Variants in MXD4 observed in about 807,000 individuals in gnomAD.
MXD4 encodes Mad4 homolog.
In MXD4, 16 loss-of-function variants were observed where a neutral mutation model predicts 24.5. The observed-to-expected ratio is 0.65, with a 90% CI of 0.44 to 0.99. The LOEUF is 0.99. MXD4 is among the 50% of genes least tolerant of loss of function. MXD4 has a pLI of 0.00. For missense variants in MXD4, 301 were observed against 301.5 expected (o/e 1.00, Z 0.01); for synonymous variants, 164 against 134.2 (o/e 1.22, Z -1.54).
intron 4 of MXD4, 94 bp downstream of exon 4, chr4:2,252,314 G>C: frequency 9.8e-7 from 1 of 1,025,006 alleles, no homozygotes; most frequent in Non-Finnish European, 1.5e-6. Flanking sequence ...TCTGATCCAA[G>C]GGCTGCCCAG....
In MXD4 at chr4:2,249,508, A is replaced by G. The variant is rs576351857; in HGVS notation, c.*1036T>C. On this transcript the variant is annotated 3_prime_UTR_variant, in exon 6 of 6. Transcript: ENST00000337190. ...AGCTGAAGCTGCCGCAGCAGAGCTC[A>G]TGAGAAGCCCTTTCCTAAGGTGGCT... 10 of 151,482 alleles carry G rather than the reference A, an allele frequency of 6.6e-5. No individual in the cohort carries two copies. In the South Asian group the frequency reaches 1.9e-3, roughly 28 times the overall value. The allele number at this position is 151,482 out of a possible 1,614,324, so 9.4% of individuals were successfully genotyped here.
At chr4:2,257,842 G>C in intron 3 of MXD4, 140 bp downstream of exon 3, 1 of 1,135,152 alleles carries the variant, frequency 8.8e-7, no homozygotes, top group Middle Eastern at 2.5e-4. Flanking sequence ...CTCCAAGTCT[G>C]ACCATTCCCA....
intron 2 of MXD4, 32 bp downstream of exon 2, chr4:2,261,693 G>A: frequency 3.9e-6 from 5 of 1,276,226 alleles, no homozygotes; most frequent in Non-Finnish European, 5.0e-6. Context: ...GTTCGGACCG[G>A]GCCGGGCGGG....
intron 3 of MXD4, among the ~76,000 whole-genome samples, chr4:2,256,381 CAG>C (rs1735430681): frequency 6.6e-6 from 1 of 152,204 alleles, no homozygotes. Context: ...GCCCAGTCCC[CAG>C]TAAGGGGACA....
intron 1 of MXD4, 34 bp from the exon 2 acceptor site, chr4:2,261,858 C>A: frequency 7.3e-7 from 1 of 1,369,750 alleles, no homozygotes; most frequent in South Asian, 1.6e-5. Flanking sequence ...CGGCCCCCGC[C>A]CGGCACGGCC....
chr4:2,250,417 A>G lies in MXD4; in HGVS notation c.*127T>C, dbSNP rs2108787759. ...AGCGGGCAGTGCCAGGCAGCCCAGCAGCAGCTGGAGCTTCCAGAATGGCAC... is the reference window on the plus strand; with the variant it reads ...AGCGGGCAGTGCCAGGCAGCCCAGCGGCAGCTGGAGCTTCCAGAATGGCAC... On this transcript the variant is annotated 3_prime_UTR_variant, in exon 6 of 6. Coordinates refer to ENST00000337190, the MANE Select transcript of MXD4 (RefSeq NM_006454.3). 1 of 1,239,106 alleles carries G rather than the reference A, an allele frequency of 8.1e-7. No individual in the cohort carries two copies. The highest frequency in any genetic ancestry group is 1.6e-5 in the South Asian group (1 of 63,576). The allele number at this position is 1,239,106 out of a possible 1,614,324, so 76.8% of individuals were successfully genotyped here.
chr4:2,254,484 C>T (rs1465474636), intron 3 of MXD4: 1 of 152,038 alleles, frequency 6.6e-6, no homozygotes, highest in African/African-American at 2.4e-5. Flanking sequence ...TCCAGGTTTT[C>T]TACGCTTAAA....
Position 2,248,613 on chromosome 4 carries a change from G to A in MXD4, c.*1931C>T, listed in dbSNP as rs1735247032. ...CCCAGTGGGGCCGGAAGGAGATGCA[G>A]ACAGGCCTCCTCACAACCACCCGCA... On this transcript the variant is annotated 3_prime_UTR_variant, in exon 6 of 6. Transcript: ENST00000337190. 6.6e-6 allele frequency: 1 copy of A among 152,380 alleles called. No individual in the cohort carries two copies. Among genetic ancestry groups the A allele is most frequent in the South Asian group, 2.1e-4 (1 of 4,834 alleles). The allele number at this position is 152,380 out of a possible 1,614,324, so 9.4% of individuals were successfully genotyped here.
intron 3 of MXD4, 55 bp from the exon 4 acceptor site, chr4:2,252,577 G>T: frequency 7.7e-7 from 1 of 1,299,616 alleles, no homozygotes. Context: ...GCAGCAGGCA[G>T]TTTCCAGGGC....
chr4:2,251,921 G>T (rs61789368), intron 4 of MXD4, among the ~76,000 whole-genome samples: 6,465 of 152,232 alleles, frequency 0.042, 173 homozygotes, highest in Middle Eastern at 0.058. Context: ...TTTGGGGGGC[G>T]GTCCCAGGGA....
rs556702621 is a variant in MXD4, at chr4:2,252,417, C to T, written c.300G>A (p.Val100=). 1.2e-5 allele frequency: 19 copies of T among 1,612,450 alleles called. No individual in the cohort carries two copies. Among genetic ancestry groups the T allele is most frequent in the Admixed American group, 5.0e-5 (3 of 60,034 alleles). ...TTLSLLKRAK[V]HIKKLEEQDR... ...AGCAAGGCCCACTCACCTTGATGTG[C>T]ACCTTGGCCCGCTTCAGGAGGCTCA... Residue 100 remains valine, a synonymous_variant, in exon 4 of 6, where the codon GTG becomes GTA. Transcript: ENST00000337190.
chr4:2,257,838 G>T (rs1195983967), intron 3 of MXD4, 144 bp downstream of exon 3: 2 of 1,097,452 alleles, frequency 1.8e-6, no homozygotes, highest in Non-Finnish European at 2.7e-6. Context: ...TCTCCTCCAA[G>T]TCTGACCATT....
chr4:2,252,970 G>A (rs1234353545), intron 3 of MXD4: 1 of 164,616 alleles, frequency 6.1e-6, no homozygotes, highest in African/African-American at 2.4e-5. Flanking sequence ...TCACTTTTGT[G>A]ACCATGGAAA....
At position 2,261,741 on chromosome 4, in the gene MXD4, T is replaced by C. The variant is rs1310232880; in HGVS notation, c.148A>G (p.Lys50Glu). 1.4e-6 allele frequency: 2 copies of C among 1,414,426 alleles called. No homozygotes were observed. The highest frequency in any genetic ancestry group is 1.9e-6 in the Non-Finnish European group (2 of 1,076,588). 87.6% of individuals were successfully genotyped at this position (1,414,426 alleles called of 1,614,324 possible). Residue 50 changes from lysine (K) to glutamate (E), a missense_variant, in exon 2 of 6, where the codon AAG (lysine) becomes GAG (glutamate). Lys to Glu is a moderately conservative substitution (Grantham distance 56). Transcript: ENST00000337190. The stretch of plus-strand genomic sequence containing the variant: ...GGGCGGTACCTGTTGTTCGGGGCCT[T>C]GCGCACCAGGCCGGCCGCCTTTGTT... ...EKTKAAGLVR[K>E]APNNRSSHNE... is the part of the protein sequence containing the mutation.
At chr4:2,260,846 G>A (rs1182789359) in intron 2 of MXD4, among the ~76,000 whole-genome samples, 1 of 152,220 alleles carries the variant, frequency 6.6e-6, no homozygotes, top group Non-Finnish European at 1.5e-5. Context: ...GCTGGGCCAA[G>A]GTGGGCCCAG....
In MXD4 at chr4:2,249,395, A is replaced by ACACAC. The variant is rs1277764771; in HGVS notation, c.*1144_*1148dup. On this transcript the variant is annotated 3_prime_UTR_variant, in exon 6 of 6. Coordinates refer to ENST00000337190, the MANE Select transcript of MXD4 (RefSeq NM_006454.3). Reference sequence around the variant, plus strand: ...ATCTGGTACAGGAAACAGAGGCGGCACACACGGACGTCCCTAGGCCGAGAG... The same window carrying ACACAC: ...ATCTGGTACAGGAAACAGAGGCGGCACACACCACACGGACGTCCCTAGGCCGAGAG... The ACACAC allele has an allele frequency of 6.6e-6, 1 of 152,330 alleles. No homozygotes were observed. The highest frequency in any genetic ancestry group is 2.4e-5 in the African/African-American group (1 of 41,420). 9.4% of individuals were successfully genotyped at this position (152,330 alleles called of 1,614,324 possible). A position where few individuals can be genotyped will look rare whatever the true frequency, so the allele number is the denominator to read the frequency against.
chr4:2,250,541 G>A lies in MXD4; in HGVS notation c.*3C>T. On this transcript the variant is annotated 3_prime_UTR_variant, in exon 6 of 6. Transcript: ENST00000337190. ...GGCAGGCCAAGGAGCAGAGGGCACGGGCCTACGAGAGGGCGGGGCGGCCCA... is the reference window on the plus strand; with the variant it reads ...GGCAGGCCAAGGAGCAGAGGGCACGAGCCTACGAGAGGGCGGGGCGGCCCA... 1 of 1,575,744 alleles carries A rather than the reference G, an allele frequency of 6.3e-7. No homozygotes were observed. The highest frequency in any genetic ancestry group is 8.6e-7 in the Non-Finnish European group (1 of 1,161,668).
chr4:2,252,328 C>T (rs1735339413), intron 4 of MXD4, 80 bp downstream of exon 4: 4 of 1,162,148 alleles, frequency 3.4e-6, no homozygotes, highest in Non-Finnish European at 5.1e-6. Flanking sequence ...TGCCCAGGGT[C>T]ACCTGTGAGC....
intron 2 of MXD4, chr4:2,258,927 A>T: frequency 4.4e-6 from 2 of 456,122 alleles, no homozygotes; most frequent in South Asian, 3.1e-5. Context: ...TCCCAGCACC[A>T]CAGGGTGTGC....
Sources: gnomAD v4.1 joint callset for allele counts (sites outside exome capture counted in the v4.1 genomes callset) on GRCh38, gnomAD v4.1.1 for gene constraint, MANE v1.5 for transcripts, NCBI Gene and HGNC (gene_info 2026-07-23, HGNC 2026-07-21) for gene names.